Variants in INSR observed in about 807,000 individuals in gnomAD.
The protein encoded by INSR is insulin receptor.
INSR carries 67 observed loss-of-function variants against 142.6 expected under a neutral mutation model. The observed-to-expected ratio is 0.47, with a 90% CI of 0.39 to 0.58. The LOEUF (loss-of-function observed/expected upper bound fraction) is 0.58. INSR is among the 20% of genes least tolerant of loss of function. The probability of loss-of-function intolerance (pLI) is 0.00; values close to 1 mark genes in which losing one functional copy is unlikely to be tolerated. For synonymous variants in INSR, 756 were observed against 743.1 expected (o/e 1.02, Z -0.28); for missense variants, 1,248 against 1,833.2 (o/e 0.68, Z 5.83).
intron 2 of INSR, among the ~76,000 whole-genome samples, chr19:7,244,365 T>G (rs918768880): frequency 6.6e-6 from 1 of 152,008 alleles, no homozygotes; most frequent in African/African-American, 2.4e-5. Flanking sequence ...AAACCCCGTC[T>G]CTACTAAAAA....
chr19:7,260,757 C>T (rs1977032623), intron 2 of INSR, among the ~76,000 whole-genome samples: 1 of 152,080 alleles, frequency 6.6e-6, no homozygotes, highest in Non-Finnish European at 1.5e-5. Flanking sequence ...CACCACCACC[C>T]TAAGAAGCAG....
rs57116223 is a variant in INSR at position 7,198,899 on chromosome 19, T to TG, written c.653-14263dup. On this transcript the variant is annotated intron_variant, in intron 2 of 21. Transcript: ENST00000302850. ...TTCACCCCCATAAATACACTTTTTT[T>TG]GGGGGGGGGGTCTCACTCTGTCGCC... Among the ~76,000 whole-genome samples, 171 of 59,824 alleles carry TG rather than the reference T, an allele frequency of 2.9e-3. 1 individual carries two copies. In the Middle Eastern group the frequency reaches 0.057, roughly 20 times the overall value. The allele number at this position is 59,824 out of a possible 152,430, so 39.2% of individuals were successfully genotyped here. A position where few individuals can be genotyped will look rare whatever the true frequency, so the allele number is the denominator to read the frequency against.
rs111457496 is a variant in INSR, at chr19:7,293,532, C to A, written c.100+260G>T. Among the ~76,000 whole-genome samples the A allele has an allele frequency of 1.8e-3, 267 of 152,256 alleles. 1 individual carries two copies. The highest frequency in any genetic ancestry group is 5.8e-3 in the African/African-American group (242 of 41,560). ...CGGAGGCGCGCTCCAGAGAGGAGCC[C>A]GCGGCGGGGCGGGCACCGGGGCAAG... On this transcript the variant is annotated intron_variant, in intron 1 of 21. Coordinates refer to ENST00000302850, the MANE Select transcript of INSR (RefSeq NM_000208.4).
intron 3 of INSR, among the ~76,000 whole-genome samples, chr19:7,177,135 G>C (rs1278769187): frequency 6.6e-6 from 1 of 152,150 alleles, no homozygotes; most frequent in Non-Finnish European, 1.5e-5. Context: ...ATCAGTTCTT[G>C]GTTGCCAAAG....
At chr19:7,194,059 A>T (rs1441364398) in intron 2 of INSR, among the ~76,000 whole-genome samples, 1 of 152,188 alleles carries the variant, frequency 6.6e-6, no homozygotes, top group East Asian at 1.9e-4. Context: ...CAGTTACATG[A>T]TTCTACTCCC....
intron 2 of INSR, among the ~76,000 whole-genome samples, chr19:7,207,948 G>GGGAA (rs1600018568): frequency 1.9e-3 from 231 of 124,072 alleles, no homozygotes; most frequent in South Asian, 3.0e-3. Flanking sequence ...AAGGGAAGGA[G>GGGAA]GGAGGGAGGG....
At position 7,267,646 on chromosome 19, in the gene INSR, G is replaced by T. The variant is rs1967779724; in HGVS notation, c.351C>A (p.Asn117Lys). 1 of 1,613,910 alleles carries T rather than the reference G, an allele frequency of 6.2e-7. No individual in the cohort carries two copies. The highest frequency in any genetic ancestry group is 8.5e-7 in the Non-Finnish European group (1 of 1,179,958). ...CCATCTCGAAGATGACCAGCGCGTAGTTAAAGAACAGTCGTGATCCCCGGA... is the reference window on the plus strand; with the variant it reads ...CCATCTCGAAGATGACCAGCGCGTATTTAAAGAACAGTCGTGATCCCCGGA... Reference protein sequence around the residue: ...TVIRGSRLFFNYALVIFEMVH... With the variant: ...TVIRGSRLFFKYALVIFEMVH... Residue 117 changes from asparagine to lysine, a missense_variant, in exon 2 of 22, where the codon AAC becomes AAA. Physicochemically the swap from Asn to Lys is moderately conservative, Grantham distance 94. Around this residue, in one of 3 missense-constraint regions of INSR, gnomAD observed 1,069 missense variants for 1,654.0 expected, o/e 0.65. Transcript: ENST00000302850. This position sits in a 1 kb window ranked among gnomAD's most constrained non-coding sequence, Gnocchi z 6.3.
chr19:7,229,751 AT>A (rs1975909104), intron 2 of INSR, among the ~76,000 whole-genome samples: 1 of 145,602 alleles, frequency 6.9e-6, no homozygotes, highest in African/African-American at 2.6e-5. Flanking sequence ...TGGAGGATAC[AT>A]TTACAGTCTT....
At position 7,166,428 on chromosome 19, in the gene INSR, G is replaced by A; in HGVS notation, c.1611-24C>T. The A allele has an allele frequency of 6.2e-7, 1 of 1,612,424 alleles. No homozygotes were observed. Reference sequence around the variant, plus strand: ...GGCTTTCAAGACAAAACAGCAGAAGGCAGTTACCCTTACAAGACCGTCACA... The same window carrying A: ...GGCTTTCAAGACAAAACAGCAGAAGACAGTTACCCTTACAAGACCGTCACA... On this transcript the variant is annotated intron_variant, in intron 7 of 21. Transcript: ENST00000302850. This position sits in a 1 kb window ranked among gnomAD's most constrained non-coding sequence, Gnocchi z 4.1.
intron 2 of INSR, among the ~76,000 whole-genome samples, chr19:7,242,153 C>CAA (rs58299832): frequency 0.16 from 21,267 of 134,214 alleles, 2,014 homozygotes; most frequent in South Asian, 0.28. Context: ...ACTCTTGTCT[C>CAA]AAAAAAAAAA....
chr19:7,239,971 G>C (rs767666984), intron 2 of INSR, among the ~76,000 whole-genome samples: 1 of 152,172 alleles, frequency 6.6e-6, no homozygotes, highest in African/African-American at 2.4e-5. Context: ...GTCTCACTCT[G>C]TCGCCCAGGC....
chr19:7,203,729 G>A (rs1026314866), intron 2 of INSR, among the ~76,000 whole-genome samples: 2 of 152,130 alleles, frequency 1.3e-5, no homozygotes, highest in African/African-American at 2.4e-5. Context: ...CCATGGGGAC[G>A]TACTGAATTT....
chr19:7,151,173 T>C (rs1973341007), intron 10 of INSR, among the ~76,000 whole-genome samples: 1 of 9,700 alleles, frequency 1.0e-4, no homozygotes, highest in African/African-American at 1.4e-4. Flanking sequence ...TCTTTCTTTC[T>C]TTCTTTCTTT....
intron 2 of INSR, among the ~76,000 whole-genome samples, chr19:7,237,108 A>C (rs1160392198): frequency 2.6e-5 from 4 of 152,058 alleles, no homozygotes; most frequent in East Asian, 3.9e-4. Flanking sequence ...AAAAGACTAC[A>C]AATTGGGTTC....
chr19:7,211,287 G>C (rs879817242), intron 2 of INSR, among the ~76,000 whole-genome samples: 2 of 152,116 alleles, frequency 1.3e-5, no homozygotes, highest in Non-Finnish European at 2.9e-5. Context: ...GGCTGGTTTT[G>C]AACTCCTGGC....
chr19:7,236,488 T>C (rs925424218), intron 2 of INSR, among the ~76,000 whole-genome samples: 2 of 152,214 alleles, frequency 1.3e-5, no homozygotes, highest in Non-Finnish European at 2.9e-5. Flanking sequence ...AATGGAATGC[T>C]ACTGAACAAC....
intron 2 of INSR, among the ~76,000 whole-genome samples, chr19:7,206,139 G>A (rs1013419570): frequency 2.0e-5 from 3 of 151,914 alleles, no homozygotes; most frequent in Non-Finnish European, 2.9e-5. Flanking sequence ...GGGAAGAGAG[G>A]GTTGGATGGA....
chr19:7,263,964 G>A (rs1341710404), intron 2 of INSR, among the ~76,000 whole-genome samples: 2 of 152,134 alleles, frequency 1.3e-5, no homozygotes, highest in African/African-American at 4.8e-5. Flanking sequence ...GAGGTCGGGA[G>A]TTCGAGACCA....
At chr19:7,194,258 A>C (rs1974676498) in intron 2 of INSR, among the ~76,000 whole-genome samples, 1 of 151,908 alleles carries the variant, frequency 6.6e-6, no homozygotes, top group African/African-American at 2.4e-5. Flanking sequence ...CTCTATTCAA[A>C]ATACAAAAAT....
Sources: gnomAD v4.1 joint callset for allele counts (sites outside exome capture counted in the v4.1 genomes callset) on GRCh38, gnomAD v4.1.1 for gene constraint, gnomAD v4.1.1 regional missense constraint, Gnocchi (gnomAD v3.1) non-coding constraint, MANE v1.5 for transcripts, NCBI Gene and HGNC (gene_info 2026-07-23, HGNC 2026-07-21) for gene names.